NKAIN1: variants seen among roughly 807,000 people sequenced by gnomAD.
NKAIN1 encodes sodium/potassium-transporting ATPase subunit beta-1-interacting protein 1.
In NKAIN1, 13 loss-of-function variants were observed where a neutral mutation model predicts 31.6. The ratio of observed to expected loss-of-function variants is 0.41; its 90% confidence interval spans 0.27 to 0.65. The LOEUF is 0.65. NKAIN1 is among the 30% of genes least tolerant of loss of function. The probability of loss-of-function intolerance (pLI) is 0.30; values close to 1 mark genes in which losing one functional copy is unlikely to be tolerated. For missense variants in NKAIN1, 193 were observed against 262.2 expected, an observed-to-expected ratio of 0.74 and a Z score of 1.82; for synonymous variants, 104 against 109.0, an observed-to-expected ratio of 0.95 and a Z score of 0.28.
intron 1 of NKAIN1, among the ~76,000 whole-genome samples, chr1:31,202,167 C>T (rs1312530178): frequency 2.0e-5 from 3 of 152,196 alleles, no homozygotes; most frequent in Non-Finnish European, 4.4e-5. Flanking sequence ...CCCATCCCCT[C>T]ATCTCAGTGA....
At chr1:31,237,816 T>C (rs1645703284) in intron 1 of NKAIN1, among the ~76,000 whole-genome samples, 1 of 152,162 alleles carries the variant, frequency 6.6e-6, no homozygotes, top group South Asian at 2.1e-4. Context: ...ACTTTTTATT[T>C]ATCTGTCCTG....
chr1:31,238,576 G>A (rs1645709097), intron 1 of NKAIN1, among the ~76,000 whole-genome samples: 1 of 152,148 alleles, frequency 6.6e-6, no homozygotes, highest in Non-Finnish European at 1.5e-5. Flanking sequence ...GTTTCTTCTA[G>A]TCCACTACAG....
intron 1 of NKAIN1, among the ~76,000 whole-genome samples, chr1:31,227,387 G>T (rs974624578): frequency 5.3e-5 from 8 of 152,198 alleles, no homozygotes; most frequent in Admixed American, 5.2e-4. Context: ...CAAGACCTGG[G>T]TTTGCGCAGC....
intron 1 of NKAIN1, among the ~76,000 whole-genome samples, chr1:31,218,075 T>TCTCTCTCTCTCTCTCTCTCTCTC (rs1557660009): frequency 6.7e-6 from 1 of 148,234 alleles, no homozygotes; most frequent in African/African-American, 2.6e-5. Flanking sequence ...TTTCTTTTTT[T>TCTCTCTCTCTCTCTCTCTCTCTC]TTTTTGAGAT....
chr1:31,239,800 C>T lies in NKAIN1; in HGVS notation c.-253G>A, dbSNP rs1645721469. ...CTCCTTTGTCTAGCGGGCCGTCCGT[C>T]AGGCGCGCCTCCTGCCCCGGGGCGG... On this transcript the variant is annotated 5_prime_UTR_variant, in exon 1 of 7. Transcript: ENST00000373736. This position sits in a 1 kb window ranked among gnomAD's most constrained non-coding sequence, Gnocchi z 4.8. Among the ~76,000 whole-genome samples, 1 of 151,866 alleles carries T rather than the reference C, an allele frequency of 6.6e-6. No individual in the cohort carries two copies. The highest frequency in any genetic ancestry group is 1.5e-5 in the Non-Finnish European group (1 of 67,916).
chr1:31,193,138 G>A (rs1327710819), intron 1 of NKAIN1, among the ~76,000 whole-genome samples: 6 of 150,168 alleles, frequency 4.0e-5, no homozygotes, highest in Non-Finnish European at 5.9e-5. Flanking sequence ...GCGTGATCTC[G>A]GCTCACTGCA....
At chr1:31,183,784 AGT>A in intron 4 of NKAIN1, 31 bp downstream of exon 4, 1 of 1,583,740 alleles carries the variant, frequency 6.3e-7, no homozygotes, top group Non-Finnish European at 8.6e-7. Flanking sequence ...GGGATCGGGA[AGT>A]GTGTGTAGGG....
At chr1:31,209,939 G>C (rs938692799) in intron 1 of NKAIN1, among the ~76,000 whole-genome samples, 1 of 149,950 alleles carries the variant, frequency 6.7e-6, no homozygotes, top group African/African-American at 2.5e-5. Context: ...GTGAGCTATT[G>C]TTGGGCCACT....
intron 3 of NKAIN1, among the ~76,000 whole-genome samples, chr1:31,184,536 C>T (rs1645227906): frequency 6.6e-6 from 1 of 152,140 alleles, no homozygotes; most frequent in Non-Finnish European, 1.5e-5. Flanking sequence ...ATTTTATCCC[C>T]TCAGCAACCA....
chr1:31,225,664 T>C (rs1417943231), intron 1 of NKAIN1, among the ~76,000 whole-genome samples: 1 of 152,102 alleles, frequency 6.6e-6, no homozygotes, highest in East Asian at 1.9e-4. Context: ...AGCTACATTG[T>C]GTGAGGGTGG....
At chr1:31,232,542 C>A (rs1421885417) in intron 1 of NKAIN1, among the ~76,000 whole-genome samples, 1 of 146,006 alleles carries the variant, frequency 6.8e-6, no homozygotes, top group Admixed American at 6.9e-5. Context: ...TTCCACCTTG[C>A]CTTCCCAAAA....
chr1:31,223,954 C>T (rs1158779887), intron 1 of NKAIN1, among the ~76,000 whole-genome samples: 1 of 152,230 alleles, frequency 6.6e-6, no homozygotes, highest in Non-Finnish European at 1.5e-5. Context: ...TGGCAGGGAG[C>T]ACCCAAGAAG....
intron 1 of NKAIN1, among the ~76,000 whole-genome samples, chr1:31,218,016 T>TTTTCTTTCTTTC (rs1553163596): frequency 0.17 from 18,348 of 107,674 alleles, 2,119 homozygotes; most frequent in Middle Eastern, 0.27. Context: ...GCAGCTACCA[T>TTTTCTTTCTTTC]TTTCTTTCTT....
intron 1 of NKAIN1, among the ~76,000 whole-genome samples, chr1:31,225,606 G>GT (rs1355933292): frequency 6.6e-6 from 1 of 152,142 alleles, no homozygotes; most frequent in Non-Finnish European, 1.5e-5. Context: ...GAGATTACAG[G>GT]TATGAGCCAC....
chr1:31,182,752 C>T (rs976355456), intron 4 of NKAIN1, among the ~76,000 whole-genome samples, 162 bp from the exon 5 acceptor site: 1 of 152,216 alleles, frequency 6.6e-6, no homozygotes. Context: ...TAAAGTCAAA[C>T]ATACATGGTC....
chr1:31,237,284 G>T (rs148078631), intron 1 of NKAIN1, among the ~76,000 whole-genome samples: 1 of 152,218 alleles, frequency 6.6e-6, no homozygotes, highest in African/African-American at 2.4e-5. Context: ...CCAAAACAAA[G>T]CCTGGGTCCT....
intron 2 of NKAIN1, among the ~76,000 whole-genome samples, chr1:31,187,222 G>A (rs1021354476): frequency 2.6e-5 from 4 of 152,170 alleles, no homozygotes; most frequent in Non-Finnish European, 5.9e-5. Flanking sequence ...TGTGATTGTA[G>A]GTGTCAAGCA....
At chr1:31,230,864 A>G (rs1569587351) in intron 1 of NKAIN1, among the ~76,000 whole-genome samples, 4 of 145,278 alleles carry the variant, frequency 2.8e-5, no homozygotes, top group Non-Finnish European at 6.0e-5. Context: ...TAATCCAATC[A>G]TACTCTTTGG....
chr1:31,218,657 C>T (rs1435799098), intron 1 of NKAIN1, among the ~76,000 whole-genome samples: 1 of 152,192 alleles, frequency 6.6e-6, no homozygotes, highest in Non-Finnish European at 1.5e-5. Flanking sequence ...TGATCAGGTG[C>T]ATCAAGCATT....
Sources: allele counts gnomAD v4.1 joint callset (sites outside exome capture counted in the v4.1 genomes callset), GRCh38; gene constraint gnomAD v4.1.1; non-coding constraint Gnocchi (gnomAD v3.1); transcripts MANE v1.5; gene names NCBI Gene and HGNC (gene_info 2026-07-23, HGNC 2026-07-21).